The following SLC9B1 variants were observed in gnomAD, a reference collection of about 807,000 sequenced individuals.
SLC9B1 encodes solute carrier family 9 member B1.
SLC9B1 carries 32 observed loss-of-function variants against 51.7 expected under a neutral mutation model. The observed-to-expected ratio is 0.62, with a 90% CI of 0.47 to 0.83. The LOEUF (loss-of-function observed/expected upper bound fraction) is 0.83, where lower values mean the gene tolerates loss of function less well. SLC9B1 is among the 40% of genes least tolerant of loss of function. SLC9B1 has a pLI of 0.00. For synonymous variants in SLC9B1, 145 were observed against 212.7 expected, an observed-to-expected ratio of 0.68 and a Z score of 2.77; for missense variants, 406 against 613.2, an observed-to-expected ratio of 0.66 and a Z score of 3.57.
rs1437828311 is a variant in SLC9B1 at position 102,955,578 on chromosome 4, A to G, written c.212-6151T>C. On this transcript the variant is annotated intron_variant, in intron 3 of 11. Coordinates refer to ENST00000296422, the MANE Select transcript of SLC9B1 (RefSeq NM_139173.4). ...ATCAATGGTTTTGCCAGTTAAATAT[A>G]GCAGAGTGGTTTGAGAATGAACAGA... 2.0e-5 allele frequency among the ~76,000 whole-genome samples: 3 copies of G among 152,072 alleles called. No homozygotes were observed. The South Asian group carries it at 6.2e-4, about 31-fold the overall frequency.
chr4:103,005,890 T>C (rs933556508), intron 1 of SLC9B1, among the ~76,000 whole-genome samples: 2 of 152,128 alleles, frequency 1.3e-5, no homozygotes, highest in Non-Finnish European at 2.9e-5. Context: ...AGAAATTCTT[T>C]GAAACTATTG....
chr4:102,916,052 A>G (rs994416656), intron 7 of SLC9B1, among the ~76,000 whole-genome samples: 1 of 152,214 alleles, frequency 6.6e-6, no homozygotes, highest in Non-Finnish European at 1.5e-5. Flanking sequence ...TGCAAGACAT[A>G]CATAAAACAA....
At chr4:102,922,381 T>G (rs1261048728) in intron 7 of SLC9B1, among the ~76,000 whole-genome samples, 1 of 152,208 alleles carries the variant, frequency 6.6e-6, no homozygotes, top group Non-Finnish European at 1.5e-5. Flanking sequence ...AGGCACAATG[T>G]ACCAGAATCT....
At chr4:102,895,913 T>G (rs894910952) in intron 11 of SLC9B1, among the ~76,000 whole-genome samples, 3 of 152,210 alleles carry the variant, frequency 2.0e-5, no homozygotes, top group Non-Finnish European at 2.9e-5. Context: ...GGTTATTTCT[T>G]CACAGCAAGC....
chr4:102,986,598 C>T (rs2110514949), intron 3 of SLC9B1, among the ~76,000 whole-genome samples: 1 of 152,146 alleles, frequency 6.6e-6, no homozygotes, highest in East Asian at 1.9e-4. Flanking sequence ...TTTGATATTC[C>T]CATTTCATGT....
chr4:102,960,547 C>A (rs918187649), intron 3 of SLC9B1, among the ~76,000 whole-genome samples: 1 of 151,842 alleles, frequency 6.6e-6, no homozygotes, highest in African/African-American at 2.4e-5. Flanking sequence ...TTTAGGAAGC[C>A]TTGTTATTTT....
chr4:102,971,979 G>C (rs1325126898), intron 3 of SLC9B1, among the ~76,000 whole-genome samples: 1 of 152,120 alleles, frequency 6.6e-6, no homozygotes, highest in Non-Finnish European at 1.5e-5. Context: ...AACAGGCTCT[G>C]AAATTGAGGC....
At chr4:102,971,684 A>C (rs1738767766) in intron 3 of SLC9B1, among the ~76,000 whole-genome samples, 1 of 152,214 alleles carries the variant, frequency 6.6e-6, no homozygotes, top group African/African-American at 2.4e-5. Context: ...CCTTCAAAAA[A>C]TCAATGCATC....
intron 5 of SLC9B1, among the ~76,000 whole-genome samples, chr4:102,946,158 T>C (rs937620605): frequency 5.3e-5 from 8 of 152,320 alleles, no homozygotes; most frequent in African/African-American, 1.9e-4. Flanking sequence ...ATAAGAGACA[T>C]TTATCTCTGT....
At chr4:102,945,085 A>C (rs1423081120) in intron 6 of SLC9B1, 108 bp downstream of exon 6, 2 of 1,223,894 alleles carry the variant, frequency 1.6e-6, no homozygotes, top group Admixed American at 5.8e-5. Context: ...TTAACACTGA[A>C]ACGAATTTTA....
chr4:102,936,972 A>G (rs1363246724), intron 6 of SLC9B1, among the ~76,000 whole-genome samples: 1 of 152,158 alleles, frequency 6.6e-6, no homozygotes, highest in East Asian at 1.9e-4. Flanking sequence ...CAAGGTCAAC[A>G]TGAAAGAAAA....
rs1403611993 is a variant in SLC9B1 at position 102,885,254 on chromosome 4, C to T, written c.1407G>A (p.Glu469=). The change falls in exon 12 of 12, where the codon GAG becomes GAA. Residue 469 remains glutamate (E), a synonymous_variant. Transcript: ENST00000394789. ...TCGGTTATTGCCTTTCCTTGGTGTACTCGCACTTCTTGGCTACCTTGCAGT... is the reference window on the plus strand; with the variant it reads ...TCGGTTATTGCCTTTCCTTGGTGTATTCGCACTTCTTGGCTACCTTGCAGT... 1.9e-6 allele frequency: 3 copies of T among 1,614,058 alleles called. No homozygotes were observed. The highest frequency in any genetic ancestry group is 2.5e-6 in the Non-Finnish European group (3 of 1,179,962).
At chr4:102,966,334 C>T (rs1420006149) in intron 3 of SLC9B1, among the ~76,000 whole-genome samples, 1 of 152,224 alleles carries the variant, frequency 6.6e-6, no homozygotes, top group Non-Finnish European at 1.5e-5. Context: ...GTGGAAGCCA[C>T]CATGACTACA....
At chr4:102,946,589 T>C in intron 5 of SLC9B1, 58 bp downstream of exon 5, 1 of 1,552,588 alleles carries the variant, frequency 6.4e-7, no homozygotes, top group South Asian at 1.2e-5. Context: ...TTCTTTTTCT[T>C]TCTCACCGTC....
rs574672657 is a variant in SLC9B1, at chr4:102,990,525, T to C, written c.70-584A>G. Among the ~76,000 whole-genome samples, 8 of 152,094 alleles carry C rather than the reference T, an allele frequency of 5.3e-5. No individual in the cohort carries two copies. In the East Asian group the frequency reaches 1.2e-3, roughly 22 times the overall value. On this transcript the variant is annotated intron_variant, in intron 2 of 11. Transcript: ENST00000296422. ...CTGCTGATTTTGAAAAAAAGGAATCTTTGGTTTGTGAGAATATTGAGAAAC... is the reference window on the plus strand; with the variant it reads ...CTGCTGATTTTGAAAAAAAGGAATCCTTGGTTTGTGAGAATATTGAGAAAC...
At chr4:103,000,850 T>C (rs145389691) in intron 1 of SLC9B1, among the ~76,000 whole-genome samples, 2 of 152,352 alleles carry the variant, frequency 1.3e-5, no homozygotes, top group African/African-American at 4.8e-5. Flanking sequence ...GTCTGGAGAA[T>C]GATGGTCCTC....
At chr4:102,914,228 T>C (rs1560924083) in intron 7 of SLC9B1, among the ~76,000 whole-genome samples, 5 of 42,096 alleles carry the variant, frequency 1.2e-4, no homozygotes. Context: ...CTGGGTGCAC[T>C]GGATGAATCA....
intron 2 of SLC9B1, among the ~76,000 whole-genome samples, chr4:102,990,946 C>A (rs928355549): frequency 1.3e-5 from 2 of 151,896 alleles, no homozygotes; most frequent in African/African-American, 4.8e-5. Flanking sequence ...TCTGAAAATT[C>A]TGTTACTATA....
At position 102,989,905 on chromosome 4, in the gene SLC9B1, TTTC is replaced by T; in HGVS notation, c.103_105del (p.Glu35del). 6.3e-7 allele frequency: 1 copy of T among 1,595,708 alleles called. No homozygotes were observed. Among genetic ancestry groups the T allele is most frequent in the Non-Finnish European group, 8.6e-7 (1 of 1,166,294 alleles). ...TCTGTATCTGATAAGACAGTTTTAG[TTTC>T]TTCCTGTGCAGTATTATTAGGATCA... On this transcript the variant is annotated inframe_deletion, in exon 3 of 12. Coordinates refer to ENST00000296422, the MANE Select transcript of SLC9B1 (RefSeq NM_139173.4).
Sources: allele counts gnomAD v4.1 joint callset (sites outside exome capture counted in the v4.1 genomes callset), GRCh38; gene constraint gnomAD v4.1.1; transcripts MANE v1.5; gene names NCBI Gene and HGNC (gene_info 2026-07-23, HGNC 2026-07-21).